The following PRELID1 variants were observed in gnomAD, a reference collection of about 807,000 sequenced individuals.
PRELID1 encodes PRELI domain-containing protein 1, mitochondrial.
PRELID1 carries 15 observed loss-of-function variants against 29.0 expected under a neutral mutation model. That is an observed-to-expected ratio of 0.52 (90% confidence interval 0.35 to 0.80). The LOEUF (loss-of-function observed/expected upper bound fraction) is 0.80. PRELID1 is among the 30% of genes least tolerant of loss of function. PRELID1 has a pLI of 0.01. For missense variants in PRELID1, 187 were observed against 275.9 expected (o/e 0.68, Z 2.28); for synonymous variants, 79 against 106.5 (o/e 0.74, Z 1.59).
At chr5:177,306,288 A>C in intron 4 of PRELID1, 112 bp downstream of exon 4, 1 of 1,561,070 alleles carries the variant, frequency 6.4e-7, no homozygotes, top group South Asian at 1.1e-5. Flanking sequence ...CCTTGTCTGT[A>C]CTGGGGGTGG....
At chr5:177,304,383 G>T (rs1340052563) in intron 1 of PRELID1, 2 of 620,614 alleles carry the variant, frequency 3.2e-6, no homozygotes, top group Non-Finnish European at 5.8e-6. Flanking sequence ...GCTTTCCTGG[G>T]GTGCAATAAA....
chr5:177,303,838 C>G lies in PRELID1; in HGVS notation c.-148C>G, dbSNP rs1257206776. The G allele has an allele frequency of 5.8e-6, 3 of 521,260 alleles. No individual in the cohort carries two copies. Among genetic ancestry groups the G allele is most frequent in the Non-Finnish European group, 9.2e-6 (3 of 327,500 alleles). 32.3% of individuals were successfully genotyped at this position (521,260 alleles called of 1,614,324 possible). A position where few individuals can be genotyped will look rare whatever the true frequency, so the allele number is the denominator to read the frequency against. ...CTCATGGCGGCGGCGGCGGCGGCGGCAGCTGCTTGGGCGCGGTGCGGTGGT... is the reference window on the plus strand; with the variant it reads ...CTCATGGCGGCGGCGGCGGCGGCGGGAGCTGCTTGGGCGCGGTGCGGTGGT... On this transcript the variant is annotated 5_prime_UTR_variant, in exon 1 of 5. Coordinates refer to ENST00000303204, the MANE Select transcript of PRELID1 (RefSeq NM_013237.4). This position sits in a 1 kb window ranked among gnomAD's most constrained non-coding sequence, Gnocchi z 6.1.
At chr5:177,304,166 G>A in intron 1 of PRELID1, 89 bp downstream of exon 1, 1 of 1,262,574 alleles carries the variant, frequency 7.9e-7, no homozygotes, top group Non-Finnish European at 1.1e-6. Context: ...GACCAGGAAG[G>A]ACTCGATATC....
chr5:177,304,932 A>G (rs1404586873), intron 2 of PRELID1, 82 bp downstream of exon 2: 7 of 1,354,836 alleles, frequency 5.2e-6, no homozygotes, highest in Admixed American at 4.0e-5. Flanking sequence ...ACATGTGGCT[A>G]GAGAGCCATA....
chr5:177,304,241 T>C, intron 1 of PRELID1, 164 bp downstream of exon 1: 2 of 669,790 alleles, frequency 3.0e-6, no homozygotes, highest in Non-Finnish European at 5.1e-6. Flanking sequence ...GAAGGGAGGT[T>C]GGGCCTGGGT....
In PRELID1 at chr5:177,306,338, A is replaced by G. The variant is rs781678379; in HGVS notation, c.512-84A>G. The G allele has an allele frequency of 2.5e-6, 4 of 1,600,142 alleles. No homozygotes were observed. In the African/African-American group the frequency reaches 5.4e-5, roughly 21 times the overall value. ...CCACCTTTTTAGTGGAGCCTGGCCC[A>G]GAGGAGATTGGTGTCATGGGGGAGG... On this transcript the variant is annotated intron_variant, in intron 4 of 4. Coordinates refer to ENST00000303204, the MANE Select transcript of PRELID1 (RefSeq NM_013237.4).
At chr5:177,304,975 T>G (rs1249878254) in intron 2 of PRELID1, 125 bp downstream of exon 2, 1 of 883,768 alleles carries the variant, frequency 1.1e-6, no homozygotes, top group Non-Finnish European at 1.8e-6. Flanking sequence ...CAGGTCTGGG[T>G]TACTGAGGGT....
rs1234707559 is a variant in PRELID1 at position 177,305,896 on chromosome 5, G to C, written c.344G>C (p.Cys115Ser). 2 of 1,614,024 alleles carry C rather than the reference G, an allele frequency of 1.2e-6. No individual in the cohort carries two copies. The highest frequency in any genetic ancestry group is 1.7e-6 in the Non-Finnish European group (2 of 1,180,046). The stretch of plus-strand genomic sequence containing the variant: ...GTGGTGGAGGAACGATGTGTTTACT[G>C]TGTGAACTCTGACAACAGTGGCTGG... The part of the protein sequence containing the change: ...LMVVEERCVY[C>S]VNSDNSGWTE... The change falls in exon 3 of 5, where the codon TGT becomes TCT. Residue 115 changes from cysteine (C) to serine (S), a missense_variant. Physicochemically the swap from Cys to Ser is moderately radical, Grantham distance 112. Coordinates refer to ENST00000303204, the MANE Select transcript of PRELID1 (RefSeq NM_013237.4).
chr5:177,304,993 T>G (rs759102250), intron 2 of PRELID1, 143 bp downstream of exon 2: 22 of 746,632 alleles, frequency 2.9e-5, no homozygotes, highest in Non-Finnish European at 4.6e-5. Flanking sequence ...GGTTGACAGC[T>G]GTAGAGTATG....
At position 177,306,808 on chromosome 5, in the gene PRELID1, C is replaced by G; in HGVS notation, c.*238C>G. On this transcript the variant is annotated 3_prime_UTR_variant, in exon 5 of 5. Coordinates refer to ENST00000303204, the MANE Select transcript of PRELID1 (RefSeq NM_013237.4). ...AGGCACAGAGGTGCGGTGACTTGCCCGGGGCTCCAGGTAGCCTGCAGGTTA... is the reference window on the plus strand; with the variant it reads ...AGGCACAGAGGTGCGGTGACTTGCCGGGGGCTCCAGGTAGCCTGCAGGTTA... 1.3e-6 allele frequency: 1 copy of G among 782,696 alleles called. No individual in the cohort carries two copies. The highest frequency in any genetic ancestry group is 1.9e-5 in the South Asian group (1 of 53,428). The allele number at this position is 782,696 out of a possible 1,614,324, so 48.5% of individuals were successfully genotyped here.
chr5:177,305,707 T>C (rs1459890550), intron 2 of PRELID1, 164 bp from the exon 3 acceptor site: 3 of 633,840 alleles, frequency 4.7e-6, no homozygotes, highest in Admixed American at 2.7e-5. Flanking sequence ...AACGACCTTA[T>C]TTATGGCTTC....
At position 177,305,912 on chromosome 5, in the gene PRELID1, C is replaced by A; in HGVS notation, c.360C>A (p.Asn120Lys). ...GTGTTTACTGTGTGAACTCTGACAA[C>A]AGTGGCTGGACTGAAATCCGCCGGG... ...ERCVYCVNSD[N>K]SGWTEIRREA... is the part of the protein sequence containing the mutation. Residue 120 changes from asparagine (N) to lysine (K), a missense_variant, in exon 3 of 5, where the codon AAC (asparagine) becomes AAA (lysine). Transcript: ENST00000303204. 1 of 1,614,168 alleles carries A rather than the reference C, an allele frequency of 6.2e-7. No homozygotes were observed.
At position 177,303,860 on chromosome 5, in the gene PRELID1, T is replaced by G; in HGVS notation, c.-126T>G. The G allele has an allele frequency of 1.4e-6, 1 of 728,186 alleles. No homozygotes were observed. The highest frequency in any genetic ancestry group is 2.1e-6 in the Non-Finnish European group (1 of 470,338). 45.1% of individuals were successfully genotyped at this position (728,186 alleles called of 1,614,324 possible). A position where few individuals can be genotyped will look rare whatever the true frequency, so the allele number is the denominator to read the frequency against. On this transcript the variant is annotated 5_prime_UTR_variant, in exon 1 of 5. Coordinates refer to ENST00000303204, the MANE Select transcript of PRELID1 (RefSeq NM_013237.4). The surrounding 1 kb of genome is among the most constrained non-coding windows in gnomAD (Gnocchi z 6.1). ...CGGCAGCTGCTTGGGCGCGGTGCGG[T>G]GGTGACTGAGCTACGAGCCTGGCGG...
intron 2 of PRELID1, chr5:177,305,626 C>T (rs1760846663): frequency 1.7e-5 from 9 of 519,056 alleles, no homozygotes; most frequent in Non-Finnish European, 3.1e-5. Context: ...CTGGAAGGCC[C>T]TTTGTTGATC....
rs1012710853 is a variant in PRELID1 at position 177,304,309 on chromosome 5, G to C, written c.92+232G>C. ...TTTTCTCAGTGTGGTGAGACAAGAA[G>C]AGGCGGCAGTATGGGAGTTGGGAGG... On this transcript the variant is annotated intron_variant, in intron 1 of 4. Transcript: ENST00000303204. The C allele has an allele frequency of 6.7e-6, 4 of 601,404 alleles. No homozygotes were observed. In the African/African-American group the frequency reaches 7.4e-5, roughly 11 times the overall value. 37.3% of individuals were successfully genotyped at this position (601,404 alleles called of 1,614,324 possible). A position where few individuals can be genotyped will look rare whatever the true frequency, so the allele number is the denominator to read the frequency against.
intron 1 of PRELID1, 40 bp from the exon 2 acceptor site, chr5:177,304,585 G>C (rs746669736): frequency 6.4e-7 from 1 of 1,550,866 alleles, no homozygotes; most frequent in Non-Finnish European, 8.9e-7. Context: ...GTCTCTTAGG[G>C]GCAAGCTTCT....
At position 177,306,836 on chromosome 5, in the gene PRELID1, T is replaced by C. The variant is rs983062533; in HGVS notation, c.*266T>C. On this transcript the variant is annotated 3_prime_UTR_variant, in exon 5 of 5. Transcript: ENST00000303204. ...GGCTCCAGGTAGCCTGCAGGTTAAC[T>C]GGCGGTAAGTGCTAGACTGTAAGCC... The C allele has an allele frequency of 1.5e-5, 11 of 728,392 alleles. No individual in the cohort carries two copies. Among genetic ancestry groups the C allele is most frequent in the Non-Finnish European group, 2.4e-5 (11 of 455,290 alleles). 45.1% of individuals were successfully genotyped at this position (728,392 alleles called of 1,614,324 possible).
chr5:177,305,629 T>G, intron 2 of PRELID1: 1 of 522,420 alleles, frequency 1.9e-6, no homozygotes, highest in South Asian at 2.2e-5. Context: ...GAAGGCCCTT[T>G]GTTGATCTCA....
chr5:177,304,946 C>A, intron 2 of PRELID1, 96 bp downstream of exon 2: 1 of 1,254,420 alleles, frequency 8.0e-7, no homozygotes, highest in Non-Finnish European at 1.1e-6. Context: ...AGCCATAAGG[C>A]AGCTTTTGTG....
Sources: gnomAD v4.1 joint callset for allele counts on GRCh38, gnomAD v4.1.1 for gene constraint, Gnocchi (gnomAD v3.1) non-coding constraint, MANE v1.5 for transcripts, NCBI Gene and HGNC (gene_info 2026-07-23, HGNC 2026-07-21) for gene names.